CUL1: variants seen among roughly 807,000 people sequenced by gnomAD.
CUL1 encodes cullin-1.
In CUL1, 24 loss-of-function variants were observed where a neutral mutation model predicts 118.0. The observed-to-expected ratio is 0.20, with a 90% confidence interval of 0.15 to 0.29. CUL1 has a LOEUF of 0.29. CUL1 is among the 10% of genes least tolerant of loss of function. The pLI is 1.00. For missense variants in CUL1, 361 were observed against 933.8 expected (o/e 0.39, Z 7.99); for synonymous variants, 332 against 340.4 (o/e 0.98, Z 0.27).
At chr7:148,748,001 A>G (rs374446316) in intron 2 of CUL1, among the ~76,000 whole-genome samples, 3 of 152,376 alleles carry the variant, frequency 2.0e-5, no homozygotes, top group African/African-American at 7.2e-5. Context: ...AGAATCTTCC[A>G]AAATTGTTGC....
chr7:148,735,935 G>A (rs756419386), intron 2 of CUL1, among the ~76,000 whole-genome samples: 1 of 151,868 alleles, frequency 6.6e-6, no homozygotes, highest in African/African-American at 2.4e-5. Flanking sequence ...GAATTTGGGA[G>A]GCCAGGGCAG....
intron 1 of CUL1, among the ~76,000 whole-genome samples, chr7:148,725,752 C>T (rs970508454): frequency 8.5e-5 from 13 of 152,278 alleles, no homozygotes; most frequent in Middle Eastern, 6.8e-3. Context: ...TCCTTGTAGA[C>T]GTTGTTTGAG....
At chr7:148,779,168 C>G (rs1349614195) in intron 9 of CUL1, among the ~76,000 whole-genome samples, 1 of 152,124 alleles carries the variant, frequency 6.6e-6, no homozygotes, top group Non-Finnish European at 1.5e-5. Flanking sequence ...TTAGAATTAT[C>G]CTTTTAGTGG....
chr7:148,717,313 T>C (rs1405147675), intron 1 of CUL1, among the ~76,000 whole-genome samples: 1 of 152,206 alleles, frequency 6.6e-6, no homozygotes, highest in African/African-American at 2.4e-5. Flanking sequence ...TGCCTGAGCC[T>C]TCCAAAGTGC....
At chr7:148,784,120 T>C (rs767113927) in intron 11 of CUL1, 43 bp downstream of exon 11, 1 of 1,470,770 alleles carries the variant, frequency 6.8e-7, no homozygotes, top group Non-Finnish European at 9.5e-7. Flanking sequence ...CTGTTTAAAA[T>C]CTCAGCTTTT....
intron 11 of CUL1, among the ~76,000 whole-genome samples, chr7:148,785,686 T>C (rs1378528207): frequency 6.6e-6 from 1 of 151,990 alleles, no homozygotes. Flanking sequence ...TTATCCTTTG[T>C]CTTTTCATAA....
intron 1 of CUL1, among the ~76,000 whole-genome samples, chr7:148,721,076 A>G (rs754951637): frequency 1.3e-5 from 2 of 152,248 alleles, no homozygotes; most frequent in Non-Finnish European, 2.9e-5. Context: ...GTGGAATTCA[A>G]GAATTTCTGA....
At position 148,792,726 on chromosome 7, in the gene CUL1, G is replaced by C; in HGVS notation, c.1807G>C (p.Ala603Pro). Reference protein sequence around the residue: ...NCFKNRYTLQASTFQMAILLQ... With the variant: ...NCFKNRYTLQPSTFQMAILLQ... ...TTCTTTTATATGGGGGGCCGCAAAG[G>C]CGTCGACATTCCAGATGGCTATCCT... Residue 603 changes from alanine to proline, a missense_variant and splice_region_variant, in exon 17 of 22, where the codon GCG (alanine) becomes CCG (proline). Transcript: ENST00000325222. The C allele has an allele frequency of 6.2e-7, 1 of 1,609,772 alleles. No individual in the cohort carries two copies. The highest frequency in any genetic ancestry group is 8.5e-7 in the Non-Finnish European group (1 of 1,177,938).
intron 1 of CUL1, among the ~76,000 whole-genome samples, chr7:148,704,156 G>GCAC (rs1797808864): frequency 7.4e-6 from 1 of 135,912 alleles, no homozygotes. Context: ...AACAAAAGCG[G>GCAC]CCCCCCCCCA....
intron 9 of CUL1, among the ~76,000 whole-genome samples, chr7:148,773,068 C>A (rs740951): frequency 0.65 from 98,804 of 151,954 alleles, 32,250 homozygotes; most frequent in Admixed American, 0.72. Flanking sequence ...CATTCCCATT[C>A]ATCCCTCATG....
At chr7:148,752,822 G>T (rs987129728) in intron 2 of CUL1, among the ~76,000 whole-genome samples, 11 of 151,898 alleles carry the variant, frequency 7.2e-5, no homozygotes, top group Non-Finnish European at 1.5e-4. Context: ...CTAATTTTTT[G>T]TGTGTGTTTT....
At chr7:148,785,877 T>C (rs1388094872) in intron 11 of CUL1, among the ~76,000 whole-genome samples, 1 of 152,016 alleles carries the variant, frequency 6.6e-6, no homozygotes, top group African/African-American at 2.4e-5. Context: ...AAGAATAGGG[T>C]TGGGTTTTCT....
intron 2 of CUL1, among the ~76,000 whole-genome samples, chr7:148,739,454 GGGGGCACCTCTCGGGCT>G (rs1392330294): frequency 6.6e-6 from 1 of 152,170 alleles, no homozygotes; most frequent in African/African-American, 2.4e-5. Context: ...GCCCTAAACC[GGGGGCACCTCTCGGGCT>G]GCCATGTAAA....
chr7:148,766,374 C>T (rs1800006725), intron 7 of CUL1, among the ~76,000 whole-genome samples, 187 bp from the exon 8 acceptor site: 1 of 152,164 alleles, frequency 6.6e-6, no homozygotes, highest in Admixed American at 6.6e-5. Flanking sequence ...AATCCTCCTG[C>T]TTCAGCCACC....
chr7:148,766,379 GCCACCCAAAGT>G (rs1800007491), intron 7 of CUL1, among the ~76,000 whole-genome samples, 171 bp from the exon 8 acceptor site: 1 of 152,106 alleles, frequency 6.6e-6, no homozygotes, highest in Non-Finnish European at 1.5e-5. Context: ...TCCTGCTTCA[GCCACCCAAAGT>G]GGCTGAGCCA....
rs547419213 is a variant in CUL1 at position 148,700,858 on chromosome 7, A to C, written c.-162+1829A>C. ...ATAAAAGCCTCCCTCCCTGAGAGCC[A>C]CATGCTCAGGTCCTTATAGCCAGCC... On this transcript the variant is annotated intron_variant, in intron 1 of 21. Transcript: ENST00000325222. Among the ~76,000 whole-genome samples, 29 of 152,334 alleles carry C rather than the reference A, an allele frequency of 1.9e-4. No homozygotes were observed. The South Asian group carries it at 5.8e-3, about 30-fold the overall frequency.
chr7:148,748,563 T>C (rs1434057790), intron 2 of CUL1, among the ~76,000 whole-genome samples: 1 of 152,168 alleles, frequency 6.6e-6, no homozygotes, highest in Non-Finnish European at 1.5e-5. Flanking sequence ...GATAAAACCA[T>C]TTGGGAGATT....
At chr7:148,699,292 G>A (rs954069149) in intron 1 of CUL1, among the ~76,000 whole-genome samples, 1 of 151,894 alleles carries the variant, frequency 6.6e-6, no homozygotes, top group Admixed American at 6.6e-5. Context: ...GCCAGGCCTG[G>A]ACTACGCACT....
chr7:148,729,422 A>G (rs952359561), intron 1 of CUL1, among the ~76,000 whole-genome samples: 2 of 152,162 alleles, frequency 1.3e-5, no homozygotes, highest in African/African-American at 2.4e-5. Flanking sequence ...TTCAGAGTAC[A>G]TTTTGAATCT....
Sources: gnomAD v4.1 joint callset for allele counts (sites outside exome capture counted in the v4.1 genomes callset) on GRCh38, gnomAD v4.1.1 for gene constraint, MANE v1.5 for transcripts, NCBI Gene and HGNC (gene_info 2026-07-23, HGNC 2026-07-21) for gene names.